Variants in KCNIP4 observed in about 807,000 individuals in gnomAD.
The protein encoded by KCNIP4 is Kv channel-interacting protein 4.
Under a neutral mutation model 34.0 loss-of-function variants are expected in KCNIP4, and 12 were observed. The ratio of observed to expected loss-of-function variants is 0.35; its 90% confidence interval spans 0.23 to 0.57. The LOEUF (loss-of-function observed/expected upper bound fraction) is 0.57. KCNIP4 is among the 20% of genes least tolerant of loss of function. The pLI is 0.83. For synonymous variants in KCNIP4, 124 were observed against 102.2 expected (o/e 1.21, Z -1.29); for missense variants, 238 against 311.7 (o/e 0.76, Z 1.78).
At chr4:21,632,513 T>C (rs889873661) in intron 1 of KCNIP4, among the ~76,000 whole-genome samples, 2 of 152,172 alleles carry the variant, frequency 1.3e-5, no homozygotes, top group East Asian at 1.9e-4. Context: ...GCATGGGCCA[T>C]TGTGGCTGGC....
At chr4:21,141,181 A>G (rs930522378) in intron 1 of KCNIP4, among the ~76,000 whole-genome samples, 71 of 152,208 alleles carry the variant, frequency 4.7e-4, no homozygotes, top group African/African-American at 1.6e-3. Context: ...AAACACTTTA[A>G]TACTAAAAAA....
chr4:20,862,926 C>T (rs1722364451), intron 2 of KCNIP4, among the ~76,000 whole-genome samples: 1 of 152,080 alleles, frequency 6.6e-6, no homozygotes, highest in Non-Finnish European at 1.5e-5. Context: ...TATAAGAACA[C>T]ATGGATACAT....
At chr4:21,664,320 C>T (rs919735397) in intron 1 of KCNIP4, among the ~76,000 whole-genome samples, 8 of 151,998 alleles carry the variant, frequency 5.3e-5, no homozygotes, top group African/African-American at 1.7e-4. Flanking sequence ...ACATTTAAAC[C>T]ACCTGCAAAT....
chr4:21,500,074 G>A (rs28374981), intron 1 of KCNIP4, among the ~76,000 whole-genome samples: 8,824 of 152,138 alleles, frequency 0.058, 644 homozygotes, highest in African/African-American at 0.16. Flanking sequence ...TACAAAGTCA[G>A]TGTTATTGAA....
At chr4:21,865,175 A>G (rs555702827) in intron 1 of KCNIP4, among the ~76,000 whole-genome samples, 1 of 152,264 alleles carries the variant, frequency 6.6e-6, no homozygotes, top group South Asian at 2.1e-4. Flanking sequence ...CTAAATAACA[A>G]ATAACTTTCT....
chr4:21,152,904 C>T (rs1226986667), intron 1 of KCNIP4, among the ~76,000 whole-genome samples: 1 of 152,156 alleles, frequency 6.6e-6, no homozygotes, highest in East Asian at 1.9e-4. Flanking sequence ...CCCCACCCCC[C>T]AACCCTGTCT....
intron 1 of KCNIP4, among the ~76,000 whole-genome samples, chr4:21,196,165 C>T (rs1756043871): frequency 6.6e-6 from 1 of 152,302 alleles, no homozygotes; most frequent in South Asian, 2.1e-4. Context: ...AGTCCACAAG[C>T]TATTTTAGCA....
chr4:21,791,996 G>T (rs1371024823), intron 1 of KCNIP4, among the ~76,000 whole-genome samples: 4 of 52,392 alleles, frequency 7.6e-5, no homozygotes, highest in Non-Finnish European at 1.1e-4. Flanking sequence ...ATGAGACTCC[G>T]TCTCAAAAAA....
At chr4:21,519,417 T>TATATACATATGTGTGTATATGTATGTGC (rs1735102142) in intron 1 of KCNIP4, among the ~76,000 whole-genome samples, 2 of 107,856 alleles carry the variant, frequency 1.9e-5, no homozygotes, top group Non-Finnish European at 4.3e-5. Context: ...TATGTATGTG[T>TATATACATATGTGTGTATATGTATGTGC]ATATATACAC....
In KCNIP4 at chr4:21,557,470, C is replaced by G. The variant is rs376949338; in HGVS notation, c.61+391101G>C. Among the ~76,000 whole-genome samples the G allele has an allele frequency of 1.7e-3, 255 of 152,250 alleles. 11 individuals are homozygous for G. The South Asian group carries it at 0.046, about 28-fold the overall frequency. On this transcript the variant is annotated intron_variant, in intron 1 of 8. Transcript: ENST00000382152. ...TCCTGTATATGGATGAACCTCATGA[C>G]TTCTGTAATATTTTAGTGGTGATTT...
chr4:21,593,371 GA>G (rs1423563503), intron 1 of KCNIP4, among the ~76,000 whole-genome samples: 2 of 152,104 alleles, frequency 1.3e-5, no homozygotes, highest in African/African-American at 4.8e-5. Context: ...GACAGAGTGG[GA>G]ACCTCCGAGT....
Position 21,709,910 on chromosome 4 carries a change from C to A in KCNIP4, c.61+238661G>T, listed in dbSNP as rs745870243. ...CATAGGCCAAATGCCAAAAGAGAAG[C>A]ACATATCCTAGTCCAACAGCTAATA... On this transcript the variant is annotated intron_variant, in intron 1 of 8. Transcript: ENST00000382152. Among the ~76,000 whole-genome samples, 42 of 152,150 alleles carry A rather than the reference C, an allele frequency of 2.8e-4. 1 individual carries two copies. Among genetic ancestry groups the A allele is most frequent in the Admixed American group, 2.0e-4 (3 of 15,266 alleles).
intron 1 of KCNIP4, among the ~76,000 whole-genome samples, chr4:21,786,728 C>T (rs9685657): frequency 0.091 from 13,801 of 151,842 alleles, 647 homozygotes; most frequent in Middle Eastern, 0.15. Context: ...CCACCATGCC[C>T]GGCTAATTTT....
intron 1 of KCNIP4, among the ~76,000 whole-genome samples, chr4:21,494,497 G>T (rs951447987): frequency 2.0e-5 from 3 of 152,088 alleles, no homozygotes; most frequent in Admixed American, 1.3e-4. Context: ...TTAAGGTGCT[G>T]AGTGCGGTGG....
intron 1 of KCNIP4, among the ~76,000 whole-genome samples, chr4:21,728,740 C>G (rs1211839471): frequency 6.6e-6 from 1 of 152,106 alleles, no homozygotes; most frequent in Non-Finnish European, 1.5e-5. Flanking sequence ...ACATGCCTTC[C>G]TCAGGAGTTT....
intron 1 of KCNIP4, among the ~76,000 whole-genome samples, chr4:21,362,791 A>T (rs1719361936): frequency 1.3e-5 from 2 of 152,108 alleles, no homozygotes; most frequent in Admixed American, 1.3e-4. Context: ...CTGAAGGATG[A>T]AATTAAAGTT....
intron 1 of KCNIP4, among the ~76,000 whole-genome samples, chr4:21,221,221 T>C (rs1757960175): frequency 6.6e-6 from 1 of 152,192 alleles, no homozygotes; most frequent in South Asian, 2.1e-4. Context: ...GGGTTATTTT[T>C]TACTCAAACT....
chr4:21,063,250 G>A (rs183619778), intron 1 of KCNIP4, among the ~76,000 whole-genome samples: 3 of 152,070 alleles, frequency 2.0e-5, no homozygotes. Context: ...AGTGTCTGTT[G>A]CTTAAGCCAC....
chr4:21,919,850 C>A (rs1728841495), intron 1 of KCNIP4, among the ~76,000 whole-genome samples: 1 of 152,136 alleles, frequency 6.6e-6, no homozygotes, highest in South Asian at 2.1e-4. Context: ...AACTCACATG[C>A]TGCAGATTGC....
Sources: allele counts gnomAD v4.1 joint callset (sites outside exome capture counted in the v4.1 genomes callset), GRCh38; gene constraint gnomAD v4.1.1; transcripts MANE v1.5; gene names NCBI Gene and HGNC (gene_info 2026-07-23, HGNC 2026-07-21).